Variants in THSD1 observed in about 807,000 individuals in gnomAD.
The protein encoded by THSD1 is thrombospondin type-1 domain-containing protein 1.
A neutral mutation model predicts 46.3 loss-of-function variants in THSD1; 34 were observed. The observed-to-expected ratio is 0.74, with a 90% CI of 0.56 to 0.98. THSD1 has a LOEUF of 0.98. Among genes scored for constraint, THSD1 ranks in the 50% least tolerant of loss-of-function variants. The pLI is 0.00. For synonymous variants in THSD1, 407 were observed against 416.5 expected (o/e 0.98, Z 0.28); for missense variants, 1,023 against 1,058.3 (o/e 0.97, Z 0.46).
chr13:52,383,291 A>C (rs1388770160), intron 4 of THSD1, among the ~76,000 whole-genome samples: 1 of 152,228 alleles, frequency 6.6e-6, no homozygotes, highest in East Asian at 1.9e-4. Flanking sequence ...GCAATAGCAA[A>C]ATGATCAATA....
chr13:52,390,758 A>G (rs1037531717), intron 3 of THSD1, among the ~76,000 whole-genome samples: 1 of 152,190 alleles, frequency 6.6e-6, no homozygotes, highest in African/African-American at 2.4e-5. Context: ...ATCCTTCTCC[A>G]TGCTCATATT....
chr13:52,394,078 A>T (rs1363254971), intron 3 of THSD1, among the ~76,000 whole-genome samples: 2 of 152,022 alleles, frequency 1.3e-5, no homozygotes, highest in Non-Finnish European at 2.9e-5. Flanking sequence ...ACACACAGAG[A>T]ACCACTCCCG....
intron 2 of THSD1, among the ~76,000 whole-genome samples, chr13:52,399,225 C>T (rs1957834171): frequency 6.6e-6 from 1 of 152,166 alleles, no homozygotes; most frequent in Non-Finnish European, 1.5e-5. Context: ...AGAGACCCAG[C>T]AGAGCAGCCT....
chr13:52,405,149 A>G (rs1358186374), intron 1 of THSD1, among the ~76,000 whole-genome samples: 1 of 152,224 alleles, frequency 6.6e-6, no homozygotes, highest in Non-Finnish European at 1.5e-5. Flanking sequence ...GCATTCTTGT[A>G]TGTAAACTTT....
chr13:52,387,249 T>C (rs1594099237), intron 3 of THSD1, among the ~76,000 whole-genome samples: 2 of 152,116 alleles, frequency 1.3e-5, no homozygotes, highest in South Asian at 4.1e-4. Flanking sequence ...AAATGTCAAA[T>C]GTGATAAGCA....
chr13:52,391,608 A>G (rs1205951236), intron 3 of THSD1, among the ~76,000 whole-genome samples: 1 of 151,714 alleles, frequency 6.6e-6, no homozygotes, highest in African/African-American at 2.4e-5. Context: ...CAGTGGTGCA[A>G]TCTTGGCTCA....
At chr13:52,396,620 G>A (rs1369458978) in intron 3 of THSD1, among the ~76,000 whole-genome samples, 1 of 152,198 alleles carries the variant, frequency 6.6e-6, no homozygotes, top group Non-Finnish European at 1.5e-5. Flanking sequence ...CCCAAGAAAA[G>A]GGAAAGAAAT....
chr13:52,377,501 C>T lies in THSD1; in HGVS notation c.2469G>A (p.Glu823=). The change falls in exon 5 of 5, where the codon GAG becomes GAA. Residue 823 remains glutamate, a synonymous_variant. Transcript: ENST00000258613. Reference sequence around the variant, plus strand: ...ATCCTGGGAGGTCCAGCATCCTCTGCTCAGCCTCAGTGAGGCCAAACGACG... The same window carrying T: ...ATCCTGGGAGGTCCAGCATCCTCTGTTCAGCCTCAGTGAGGCCAAACGACG... The part of the protein sequence containing the change: ...DNTSFGLTEA[E]QRMLDLPGYF... 1 of 1,591,246 alleles carries T rather than the reference C, an allele frequency of 6.3e-7. No homozygotes were observed. The highest frequency in any genetic ancestry group is 8.6e-7 in the Non-Finnish European group (1 of 1,162,050).
chr13:52,397,825 C>G lies in THSD1; in HGVS notation c.428G>C (p.Gly143Ala). 6.2e-7 allele frequency: 1 copy of G among 1,614,246 alleles called. No homozygotes were observed. Among genetic ancestry groups the G allele is most frequent in the Admixed American group, 1.7e-5 (1 of 60,030 alleles). The stretch of plus-strand genomic sequence containing the variant: ...GGTAAATAGGCCCACTTGGAAGGTG[C>G]CTTCTGCTGCCTTGGCACTCCTATT... ...DLNRSAKAAE[G>A]TFQVGLFTSQ... Residue 143 changes from glycine to alanine, a missense_variant, in exon 3 of 5, where the codon GGC becomes GCC. Gly to Ala is a moderately conservative substitution (Grantham distance 60). Coordinates refer to ENST00000258613, the MANE Select transcript of THSD1 (RefSeq NM_018676.4).
chr13:52,386,642 T>G (rs2137731263), intron 3 of THSD1, among the ~76,000 whole-genome samples: 1 of 152,164 alleles, frequency 6.6e-6, no homozygotes, highest in East Asian at 1.9e-4. Context: ...TGCAGACTCT[T>G]CTCCACAGAT....
chr13:52,398,514 T>C (rs1314567655), intron 2 of THSD1: 7 of 976,036 alleles, frequency 7.2e-6, no homozygotes, highest in Non-Finnish European at 8.5e-6. Flanking sequence ...ACTGCTAAGA[T>C]TATAGACATG....
intron 1 of THSD1, among the ~76,000 whole-genome samples, chr13:52,405,478 A>C (rs1957899667): frequency 6.6e-6 from 1 of 152,182 alleles, no homozygotes; most frequent in Non-Finnish European, 1.5e-5. Flanking sequence ...CAGCTCGTGT[A>C]AACAGGCTTC....
In THSD1 at chr13:52,402,581, T is replaced by A; in HGVS notation, c.20A>T (p.Asp7Val). Residue 7 changes from aspartate (D) to valine (V), a missense_variant, in exon 2 of 5, where the codon GAC becomes GTC. Asp to Val is a radical substitution (Grantham distance 152). Coordinates refer to ENST00000258613, the MANE Select transcript of THSD1 (RefSeq NM_018676.4). The stretch of plus-strand genomic sequence containing the variant: ...TACCACCAACAATAGATTTGAAAAG[T>A]CTTTCAACATTGGTTTCATTCTGAT... MKPMLK[D>V]FSNLLLVVLC... is the part of the protein sequence containing the mutation. 1.9e-6 allele frequency: 3 copies of A among 1,613,936 alleles called. No individual in the cohort carries two copies. The highest frequency in any genetic ancestry group is 2.5e-6 in the Non-Finnish European group (3 of 1,179,872).
chr13:52,395,650 G>A, intron 3 of THSD1, among the ~76,000 whole-genome samples: 1 of 152,180 alleles, frequency 6.6e-6, no homozygotes. Context: ...ATAGGCAGTG[G>A]AACTGGTGGG....
intron 2 of THSD1, among the ~76,000 whole-genome samples, chr13:52,401,330 C>T (rs1392310952): frequency 6.8e-6 from 1 of 147,648 alleles, no homozygotes; most frequent in East Asian, 2.0e-4. Flanking sequence ...GACAGAGTCT[C>T]GCTCTGTCAC....
intron 3 of THSD1, among the ~76,000 whole-genome samples, chr13:52,391,465 G>A (rs1416933734): frequency 6.6e-6 from 1 of 151,828 alleles, no homozygotes; most frequent in African/African-American, 2.4e-5. Context: ...TGATCCATCT[G>A]CCTTGGCCTC....
Position 52,397,218 on chromosome 13 carries a change from ATC to A in THSD1, c.1021+12_1021+13del. 1 of 1,526,482 alleles carries A rather than the reference ATC, an allele frequency of 6.6e-7. No homozygotes were observed. The highest frequency in any genetic ancestry group is 8.8e-7 in the Non-Finnish European group (1 of 1,138,432). The allele number at this position is 1,526,482 out of a possible 1,614,324, so 94.6% of individuals were successfully genotyped here. On this transcript the variant is annotated intron_variant, in intron 3 of 4. Coordinates refer to ENST00000258613, the MANE Select transcript of THSD1 (RefSeq NM_018676.4). ...GGATTTGATTTAAAATGTTAAAAAA[ATC>A]TCAATACAAACCTGTATTTCTCTGA...
chr13:52,377,876 C>G lies in THSD1; in HGVS notation c.2094G>C (p.Gln698His), dbSNP rs775259815. 1 of 1,614,112 alleles carries G rather than the reference C, an allele frequency of 6.2e-7. No homozygotes were observed. Among genetic ancestry groups the G allele is most frequent in the African/African-American group, 1.3e-5 (1 of 74,952 alleles). ...CEQAEDRFRPQSRGAHLFPEK... is the reference protein window; with the variant it reads ...CEQAEDRFRPHSRGAHLFPEK... The stretch of plus-strand genomic sequence containing the variant: ...CAGGAAACAGGTGGGCACCTCGACT[C>G]TGAGGCCTAAATCTGTCCTCTGCCT... Residue 698 changes from glutamine to histidine, a missense_variant, in exon 5 of 5, where the codon CAG becomes CAC. By Grantham distance (24) the Gln-to-His change is conservative. Coordinates refer to ENST00000258613, the MANE Select transcript of THSD1 (RefSeq NM_018676.4).
intron 3 of THSD1, among the ~76,000 whole-genome samples, chr13:52,391,995 A>C (rs2137737474): frequency 6.6e-6 from 1 of 151,996 alleles, no homozygotes. Flanking sequence ...GTTCGAGACC[A>C]TCCTGGCTAA....
Sources: allele counts gnomAD v4.1 joint callset (sites outside exome capture counted in the v4.1 genomes callset), GRCh38; gene constraint gnomAD v4.1.1; transcripts MANE v1.5; gene names NCBI Gene and HGNC (gene_info 2026-07-23, HGNC 2026-07-21).